The following POLE variants were observed in gnomAD, a reference collection of about 807,000 sequenced individuals.
POLE encodes DNA polymerase epsilon catalytic subunit A.
A neutral mutation model predicts 279.2 loss-of-function variants in POLE; 188 were observed. The ratio of observed to expected loss-of-function variants is 0.67; its 90% CI spans 0.60 to 0.76. POLE has a LOEUF of 0.76. Ranked by LOEUF, POLE falls within the 30% of genes least tolerant of loss-of-function variation. The pLI is 0.00. For synonymous variants in POLE, 1,214 were observed against 1,172.5 expected (o/e 1.04, Z -0.72); for missense variants, 2,703 against 3,016.7 (o/e 0.90, Z 2.44).
At position 132,657,930 on chromosome 12, in the gene POLE, T is replaced by C. The variant is rs371545491; in HGVS notation, c.3316A>G (p.Arg1106Gly). The change falls in exon 27 of 49, where the codon AGG becomes GGG. Residue 1106 changes from arginine (R) to glycine (G), a missense_variant. Coordinates refer to ENST00000320574, the MANE Select transcript of POLE (RefSeq NM_006231.4). ...AGCCATTTCCGGAGAAAGTGCTTCC[T>C]CACCGTGGGCTCTGCTTGGAAAATG... is the stretch of plus-strand genomic sequence containing the variant. ...LAIFQAEPTV[R>G]KHFLRKWLKS... 6.2e-7 allele frequency: 1 copy of C among 1,614,034 alleles called. No homozygotes were observed. Among genetic ancestry groups the C allele is most frequent in the Non-Finnish European group, 8.5e-7 (1 of 1,179,978 alleles).
In POLE at chr12:132,634,844, C is replaced by A. The variant is rs892114074; in HGVS notation, c.5812-466G>T. Reference sequence around the variant, plus strand: ...CCCACTGCCACCTGCCCTGACCACACGCTGATCCCCTCCTCAGAGCGGTCT... The same window carrying A: ...CCCACTGCCACCTGCCCTGACCACAAGCTGATCCCCTCCTCAGAGCGGTCT... On this transcript the variant is annotated intron_variant, in intron 42 of 48. Transcript: ENST00000320574. This position sits in a 1 kb window ranked among gnomAD's most constrained non-coding sequence, Gnocchi z 4.0. Among the ~76,000 whole-genome samples the A allele has an allele frequency of 6.6e-6, 1 of 152,110 alleles. No homozygotes were observed.
At chr12:132,653,447 T>C (rs548056850) in intron 29 of POLE, among the ~76,000 whole-genome samples, 3 of 152,360 alleles carry the variant, frequency 2.0e-5, no homozygotes, top group African/African-American at 4.8e-5. Flanking sequence ...TATTCCTTAG[T>C]ACATTATTTA....
In POLE at chr12:132,655,314, G is replaced by GT. The variant is rs968655205; in HGVS notation, c.3582+1821dup. On this transcript the variant is annotated intron_variant, in intron 29 of 48. Transcript: ENST00000320574. ...TTTTTGATCCACAAGTTATAAATGT[G>GT]TTTTTTTTTTCTTAAATTTCCAAAC... Among the ~76,000 whole-genome samples, 353 of 147,758 alleles carry GT rather than the reference G, an allele frequency of 2.4e-3. 2 individuals are homozygous for GT. The highest frequency in any genetic ancestry group is 7.4e-3 in the African/African-American group (300 of 40,312).
rs368209692 is a variant in POLE, at chr12:132,642,160, T to C, written c.5173+17A>G. 3.6e-4 allele frequency: 543 copies of C among 1,524,292 alleles called. 1 individual carries two copies. The highest frequency in any genetic ancestry group is 4.6e-4 in the Non-Finnish European group (515 of 1,131,356). The allele number at this position is 1,524,292 out of a possible 1,614,324, so 94.4% of individuals were successfully genotyped here. ...CACCAGCCAGGTCTCATGGGCCTCG[T>C]CCTCCCGCCCACTTACCTGTGGAGT... On this transcript the variant is annotated intron_variant, in intron 38 of 48. Coordinates refer to ENST00000320574, the MANE Select transcript of POLE (RefSeq NM_006231.4).
rs2043037660 is a variant in POLE, at chr12:132,675,809, GATCAGA to G, written c.1026_1031del (p.Leu343_Ile344del). On this transcript the variant is annotated inframe_deletion, in exon 11 of 49. Coordinates refer to ENST00000320574, the MANE Select transcript of POLE (RefSeq NM_006231.4). This position sits in a 1 kb window ranked among gnomAD's most constrained non-coding sequence, Gnocchi z 4.3. ...CCTGGACGTGTTCAAACCACCTTTG[GATCAGA>G]TGAGCCTGAACCCAAGTCACAGCAG... The G allele has an allele frequency of 6.2e-7, 1 of 1,613,734 alleles. No homozygotes were observed. The highest frequency in any genetic ancestry group is 8.5e-7 in the Non-Finnish European group (1 of 1,179,744).
chr12:132,668,880 C>T lies in POLE; in HGVS notation c.1854G>A (p.Glu618=), dbSNP rs1314796844. Residue 618 remains glutamate (E), a synonymous_variant, in exon 17 of 49, where the codon GAG becomes GAA. Transcript: ENST00000320574. The surrounding 1 kb of genome is among the most constrained non-coding windows in gnomAD (Gnocchi z 4.0). ...CGTCCAGGTGGTAGATGAGTGGACA[C>T]TCGATGCGGCTGGGAACGTCCTTCA... ...ASLKDVPSRI[E]CPLIYHLDVG... 2.5e-6 allele frequency: 4 copies of T among 1,613,980 alleles called. No homozygotes were observed. The highest frequency in any genetic ancestry group is 2.5e-6 in the Non-Finnish European group (3 of 1,179,988).
rs1167117347 is a variant in POLE at position 132,658,881 on chromosome 12, C to CAAAAAAA, written c.3275+407_3275+413dup. On this transcript the variant is annotated intron_variant, in intron 26 of 48. Coordinates refer to ENST00000320574, the MANE Select transcript of POLE (RefSeq NM_006231.4). ...ACTGGTCCTATTTGTATATAACCAC[C>CAAAAAAA]AAAAAAAAAAAAAAAAAAAAAAAAA... Among the ~76,000 whole-genome samples the CAAAAAAA allele has an allele frequency of 2.7e-3, 92 of 33,822 alleles. 16 individuals are homozygous for CAAAAAAA. Among genetic ancestry groups the CAAAAAAA allele is most frequent in the East Asian group, 9.4e-3 (10 of 1,062 alleles). 22.2% of individuals were successfully genotyped at this position (33,822 alleles called of 152,430 possible).
intron 32 of POLE, among the ~76,000 whole-genome samples, chr12:132,645,647 CAA>C (rs1452438510): frequency 1.3e-5 from 2 of 152,110 alleles, no homozygotes; most frequent in African/African-American, 2.4e-5. Flanking sequence ...TAAAAATACC[CAA>C]AGTCTCAAAT....
chr12:132,639,201 G>A lies in POLE; in HGVS notation c.5476C>T (p.Arg1826Trp), dbSNP rs762000608. The A allele has an allele frequency of 5.6e-6, 9 of 1,614,078 alleles. No individual in the cohort carries two copies. Among genetic ancestry groups the A allele is most frequent in the South Asian group, 5.5e-5 (5 of 91,070 alleles). ...NQVMHFYRWL[R>W]SPSSLLHDPA... ...TCATGAAGCAGAGAGGATGGCGACC[G>A]AAGCCAGCGGTAGAAGTGCATCACC... Residue 1826 changes from arginine to tryptophan, a missense_variant, in exon 40 of 49, where the codon CGG (arginine) becomes TGG (tryptophan). Coordinates refer to ENST00000320574, the MANE Select transcript of POLE (RefSeq NM_006231.4). This position sits in a 1 kb window ranked among gnomAD's most constrained non-coding sequence, Gnocchi z 4.7.
At chr12:132,643,648 C>T (rs2042208023) in intron 33 of POLE, 88 bp from the exon 34 acceptor site, 5 of 1,567,922 alleles carry the variant, frequency 3.2e-6, no homozygotes, top group Middle Eastern at 1.7e-4. Flanking sequence ...TGTGGCTGTG[C>T]CCCTGCAGCT....
At chr12:132,626,378 G>T in intron 45 of POLE, 61 bp from the exon 46 acceptor site, 1 of 1,520,990 alleles carries the variant, frequency 6.6e-7, no homozygotes, top group South Asian at 1.1e-5. Flanking sequence ...TGCTCTGTCT[G>T]GACCAGAACC....
Position 132,672,853 on chromosome 12 carries a change from C to A in POLE, c.1474-14G>T, listed in dbSNP as rs756438835. 32 of 1,609,586 alleles carry A rather than the reference C, an allele frequency of 2.0e-5. No individual in the cohort carries two copies. Among genetic ancestry groups the A allele is most frequent in the Non-Finnish European group, 2.5e-5 (29 of 1,177,462 alleles). ...CTTCCGCAGCACCTGCAAGAGAAAC[C>A]AAGGCTTCCAGCCAAAAGCAACACC... On this transcript the variant is annotated splice_polypyrimidine_tract_variant and intron_variant, in intron 14 of 48. Coordinates refer to ENST00000320574, the MANE Select transcript of POLE (RefSeq NM_006231.4).
In POLE at chr12:132,668,438, G is replaced by C. The variant is rs1060504055; in HGVS notation, c.2091C>G (p.Pro697=). ...QHQLESEKFP[P]LFPEGPARAF... is the part of the protein sequence containing the mutation. ...CCCGAGCTGGCCCCTCTGGGAACAA[G>C]GGGGGGAACTTCTCTGACTCCAGCT... The change falls in exon 19 of 49, where the codon CCC becomes CCG. Residue 697 remains proline (P), a synonymous_variant. Transcript: ENST00000320574. This position sits in a 1 kb window ranked among gnomAD's most constrained non-coding sequence, Gnocchi z 4.0. 2 of 1,610,916 alleles carry C rather than the reference G, an allele frequency of 1.2e-6. No homozygotes were observed. The highest frequency in any genetic ancestry group is 1.3e-5 in the African/African-American group (1 of 74,790).
chr12:132,631,144 C>T (rs946734257), intron 45 of POLE, among the ~76,000 whole-genome samples: 4 of 152,178 alleles, frequency 2.6e-5, no homozygotes, highest in African/African-American at 4.8e-5. Context: ...CTGATACACA[C>T]GAGCGCGTGG....
chr12:132,635,874 A>G lies in POLE; in HGVS notation c.5811+18T>C. 6.3e-7 allele frequency: 1 copy of G among 1,599,544 alleles called. No homozygotes were observed. Among genetic ancestry groups the G allele is most frequent in the South Asian group, 1.1e-5 (1 of 89,800 alleles). ...GACCCCCAAAGCTGGCTCGGGTGCCACACTGCAGCTCGCTTACCAGTCCAC... is the reference window on the plus strand; with the variant it reads ...GACCCCCAAAGCTGGCTCGGGTGCCGCACTGCAGCTCGCTTACCAGTCCAC... On this transcript the variant is annotated intron_variant, in intron 42 of 48. Coordinates refer to ENST00000320574, the MANE Select transcript of POLE (RefSeq NM_006231.4).
At chr12:132,654,642 A>C (rs1243345234) in intron 29 of POLE, among the ~76,000 whole-genome samples, 2 of 152,182 alleles carry the variant, frequency 1.3e-5, no homozygotes, top group East Asian at 3.8e-4. Context: ...AATTACAAAA[A>C]TTAGCTGGAT....
rs780520712 is a variant in POLE at position 132,664,511 on chromosome 12, G to C, written c.2469-49C>G. ...GGGTGGGGCTGGCATGGCTCCTCCA[G>C]GGGGTATCAGAGGCAGTGAGGAGTA... On this transcript the variant is annotated intron_variant, in intron 21 of 48. Transcript: ENST00000320574. This position sits in a 1 kb window ranked among gnomAD's most constrained non-coding sequence, Gnocchi z 5.3. The C allele has an allele frequency of 1.4e-6, 2 of 1,408,268 alleles. No individual in the cohort carries two copies. The highest frequency in any genetic ancestry group is 2.0e-6 in the Non-Finnish European group (2 of 995,402). The allele number at this position is 1,408,268 out of a possible 1,614,324, so 87.2% of individuals were successfully genotyped here.
intron 40 of POLE, 115 bp from the exon 41 acceptor site, chr12:132,638,254 G>T: frequency 1.2e-6 from 1 of 838,114 alleles, no homozygotes; most frequent in Non-Finnish European, 1.7e-6. Flanking sequence ...AAAAGCCTCC[G>T]AGATACACTA....
rs774748936 is a variant in POLE at position 132,632,315 on chromosome 12, C to G, written c.6330G>C (p.Lys2110Asn). 1 of 1,613,438 alleles carries G rather than the reference C, an allele frequency of 6.2e-7. No homozygotes were observed. Among genetic ancestry groups the G allele is most frequent in the South Asian group, 1.1e-5 (1 of 91,052 alleles). ...PALEFIKYVC[K>N]VLSLDTNITN... Reference sequence around the variant, plus strand: ...CTCACACGCACGCTGGCACTCTCACCTTGCACACGTATTTGATGAACTCCA... The same window carrying G: ...CTCACACGCACGCTGGCACTCTCACGTTGCACACGTATTTGATGAACTCCA... Residue 2110 changes from lysine (K) to asparagine (N), a missense_variant and splice_region_variant, in exon 45 of 49, where the codon AAG becomes AAC. Lys to Asn is a moderately conservative substitution (Grantham distance 94). Coordinates refer to ENST00000320574, the MANE Select transcript of POLE (RefSeq NM_006231.4).
Sources: allele counts gnomAD v4.1 joint callset (sites outside exome capture counted in the v4.1 genomes callset), GRCh38; gene constraint gnomAD v4.1.1; non-coding constraint Gnocchi (gnomAD v3.1); transcripts MANE v1.5; gene names NCBI Gene and HGNC (gene_info 2026-07-23, HGNC 2026-07-21).